The following DHRS4 variants were observed in gnomAD, a reference collection of about 807,000 sequenced individuals.
DHRS4 encodes the protein dehydrogenase/reductase SDR family member 4.
In DHRS4, 20 loss-of-function variants were observed where a neutral mutation model predicts 28.4. The observed-to-expected ratio is 0.71, with a 90% CI of 0.50 to 1.02. The LOEUF (loss-of-function observed/expected upper bound fraction) is 1.02, where lower values mean the gene tolerates loss of function less well. DHRS4 is among the 50% of genes least tolerant of loss of function. The pLI, the probability that DHRS4 is intolerant of heterozygous loss-of-function variation, is 0.00. For missense variants in DHRS4, 378 were observed against 367.2 expected (o/e 1.03, Z -0.24); for synonymous variants, 144 against 146.4 (o/e 0.98, Z 0.12).
chr14:23,965,991 C>A lies in DHRS4; in HGVS notation c.531+8C>A, dbSNP rs770790766. The A allele has an allele frequency of 3.1e-6, 5 of 1,610,242 alleles. No homozygotes were observed. The highest frequency in any genetic ancestry group is 4.2e-6 in the Non-Finnish European group (5 of 1,177,556). On this transcript the variant is annotated splice_region_variant and intron_variant, in intron 5 of 7. Coordinates refer to ENST00000313250, the MANE Select transcript of DHRS4 (RefSeq NM_021004.4). ...GCCTTCAGTCCATCTCCTGTAAGAA[C>A]CCTTTTGTCTACCTCTTCCATCCCA...
Position 23,968,776 on chromosome 14 carries a change from T to A in DHRS4, c.742T>A (p.Cys248Ser), listed in dbSNP as rs1411577348. Residue 248 changes from cysteine (C) to serine (S), a missense_variant, in exon 8 of 8, where the codon TGT (cysteine) becomes AGT (serine). Cys to Ser is a moderately radical substitution (Grantham distance 112). Transcript: ENST00000313250. ...CCCCAGGTTAGGCGAGCCAGAGGAT[T>A]GTGCTGGCATCGTGTCTTTCCTGTG... ...RIRRLGEPED[C>S]AGIVSFLCSE... 1 of 1,604,808 alleles carries A rather than the reference T, an allele frequency of 6.2e-7. No individual in the cohort carries two copies. Among genetic ancestry groups the A allele is most frequent in the Admixed American group, 1.7e-5 (1 of 58,986 alleles).
chr14:23,967,262 A>C lies in DHRS4; in HGVS notation c.718A>C (p.Arg240=). Residue 240 remains arginine (R), a synonymous_variant, in exon 7 of 8, where the codon AGA becomes CGA. Coordinates refer to ENST00000313250, the MANE Select transcript of DHRS4 (RefSeq NM_021004.4). ...AAGCATGAAAGAAACCCTGCGGATA[A>C]GAAGGTAAACTGTCATGAGGGCAAG... is the stretch of plus-strand genomic sequence containing the variant. ...EESMKETLRI[R]RLGEPEDCAG... 6.2e-7 allele frequency: 1 copy of C among 1,612,328 alleles called. No individual in the cohort carries two copies. Among genetic ancestry groups the C allele is most frequent in the Non-Finnish European group, 8.5e-7 (1 of 1,179,314 alleles).
intron 3 of DHRS4, among the ~76,000 whole-genome samples, chr14:23,961,097 G>A (rs1464760692): frequency 5.9e-5 from 9 of 151,740 alleles, no homozygotes; most frequent in African/African-American, 2.2e-4. Flanking sequence ...CCTCACACCA[G>A]GCCCCACCTG....
At chr14:23,965,311 G>T (rs1266502380) in intron 3 of DHRS4, among the ~76,000 whole-genome samples, 2 of 124,788 alleles carry the variant, frequency 1.6e-5, no homozygotes, top group Non-Finnish European at 3.3e-5. Context: ...CCTAAGCCCA[G>T]AAGCCAGAGA....
intron 2 of DHRS4, among the ~76,000 whole-genome samples, chr14:23,957,557 C>CTT (rs879428780): frequency 8.0e-5 from 8 of 100,142 alleles, no homozygotes; most frequent in African/African-American, 2.9e-4. Context: ...GAAGACTTTC[C>CTT]TTTTTTTTTT....
At chr14:23,957,952 G>A (rs1203075996) in intron 2 of DHRS4, among the ~76,000 whole-genome samples, 2 of 151,036 alleles carry the variant, frequency 1.3e-5, no homozygotes, top group African/African-American at 2.4e-5. Context: ...GGGGTATACA[G>A]CAGAGTAGAA....
intron 7 of DHRS4, 84 bp from the exon 8 acceptor site, chr14:23,968,673 A>C: frequency 1.3e-6 from 2 of 1,559,380 alleles, no homozygotes; most frequent in Non-Finnish European, 1.7e-6. Flanking sequence ...TTCTTGATTA[A>C]GCAAATTTAA....
intron 2 of DHRS4, among the ~76,000 whole-genome samples, chr14:23,957,143 A>C (rs1374530687): frequency 6.6e-6 from 1 of 152,160 alleles, no homozygotes; most frequent in Non-Finnish European, 1.5e-5. Flanking sequence ...GTGGGACTGG[A>C]ATAGATGTGC....
At chr14:23,961,355 AAAC>A (rs1180407234) in intron 3 of DHRS4, among the ~76,000 whole-genome samples, 15 of 117,808 alleles carry the variant, frequency 1.3e-4, no homozygotes, top group Non-Finnish European at 2.1e-4. Flanking sequence ...TCTATATTAA[AAAC>A]AACAACAACA....
intron 2 of DHRS4, among the ~76,000 whole-genome samples, chr14:23,956,574 G>C (rs893476616): frequency 6.7e-6 from 1 of 149,188 alleles, no homozygotes; most frequent in Non-Finnish European, 1.5e-5. Context: ...GCATTGGAAA[G>C]ATAGAGGCCA....
chr14:23,964,220 TAAAA>T (rs71119059), intron 3 of DHRS4, among the ~76,000 whole-genome samples: 176 of 34,406 alleles, frequency 5.1e-3, no homozygotes, highest in African/African-American at 0.013. Flanking sequence ...CTGCAATTTG[TAAAA>T]AAAAAAAAAA....
At chr14:23,960,359 A>G (rs1461841601) in intron 3 of DHRS4, among the ~76,000 whole-genome samples, 1 of 151,774 alleles carries the variant, frequency 6.6e-6, no homozygotes, top group Admixed American at 6.6e-5. Context: ...TTACACACCC[A>G]CCTGTCCCCT....
chr14:23,953,797 G>T lies in DHRS4; in HGVS notation c.9G>T (p.Lys3Asn), dbSNP rs775278195. 2 of 1,613,970 alleles carry T rather than the reference G, an allele frequency of 1.2e-6. No individual in the cohort carries two copies. Among genetic ancestry groups the T allele is most frequent in the Non-Finnish European group, 1.7e-6 (2 of 1,179,984 alleles). Residue 3 changes from lysine (K) to asparagine (N), a missense_variant, in exon 1 of 8, where the codon AAG becomes AAT. Physicochemically the swap from Lys to Asn is moderately conservative, Grantham distance 94 (BLOSUM62 0). Transcript: ENST00000313250. ...ACTTGCTGGTCTGATCCATGCACAA[G>T]GCGGGGCTGCTAGGCCTCTGTGCCC... MH[K>N]AGLLGLCARA... is the part of the protein sequence containing the mutation.
intron 2 of DHRS4, among the ~76,000 whole-genome samples, chr14:23,958,439 G>A (rs1438191768): frequency 6.6e-6 from 1 of 152,098 alleles, no homozygotes; most frequent in African/African-American, 2.4e-5. Context: ...TGGTTTCAGG[G>A]TGGCTTTGTA....
intron 7 of DHRS4, among the ~76,000 whole-genome samples, chr14:23,968,507 T>G (rs553348471): frequency 4.0e-5 from 6 of 150,996 alleles, no homozygotes; most frequent in African/African-American, 1.5e-4. Flanking sequence ...CTGAGCTCTC[T>G]AAAAACCGGT....
At chr14:23,965,877 G>T in intron 4 of DHRS4, 45 bp downstream of exon 4, 1 of 1,605,184 alleles carries the variant, frequency 6.2e-7, no homozygotes, top group Non-Finnish European at 8.5e-7. Context: ...GACACCACAC[G>T]GGCTGAGGGC....
chr14:23,964,897 T>A (rs540876679), intron 3 of DHRS4, among the ~76,000 whole-genome samples: 260 of 151,034 alleles, frequency 1.7e-3, no homozygotes, highest in African/African-American at 6.0e-3. Context: ...TTTTTTTTTT[T>A]AATTTACATT....
In DHRS4 at chr14:23,953,937, T is replaced by C. The variant is rs754830447; in HGVS notation, c.128+21T>C. On this transcript the variant is annotated intron_variant, in intron 1 of 7. Transcript: ENST00000313250. ...GACGGGTGAGTGCTCCGGCCGGAGT[T>C]TCTGAGGCCCTGGCTGCCTGGAAAC... The C allele has an allele frequency of 4.5e-6, 7 of 1,565,228 alleles. No homozygotes were observed. In the South Asian group the frequency reaches 4.6e-5, roughly 10 times the overall value.
At chr14:23,957,803 G>C (rs1277514455) in intron 2 of DHRS4, among the ~76,000 whole-genome samples, 3 of 148,854 alleles carry the variant, frequency 2.0e-5, no homozygotes, top group Non-Finnish European at 3.0e-5. Flanking sequence ...CTCCCCACTG[G>C]GCCTACCAAA....
Sources: gnomAD v4.1 joint callset for allele counts (sites outside exome capture counted in the v4.1 genomes callset) on GRCh38, gnomAD v4.1.1 for gene constraint, MANE v1.5 for transcripts, NCBI Gene and HGNC (gene_info 2026-07-23, HGNC 2026-07-21) for gene names.